The following FOXN3 variants were observed in gnomAD, a reference collection of about 807,000 sequenced individuals.
FOXN3 encodes forkhead box protein N3.
FOXN3 carries 7 observed loss-of-function variants against 38.4 expected under a neutral mutation model. The observed-to-expected ratio is 0.18, with a 90% CI of 0.10 to 0.34. The LOEUF (loss-of-function observed/expected upper bound fraction) is 0.34, where lower values mean the gene tolerates loss of function less well. Among genes scored for constraint, FOXN3 ranks in the 10% least tolerant of loss-of-function variants. The pLI, the probability that FOXN3 is intolerant of heterozygous loss-of-function variation, is 1.00. For missense variants in FOXN3, 456 were observed against 613.4 expected (o/e 0.74, Z 2.71); for synonymous variants, 230 against 242.2 (o/e 0.95, Z 0.47).
chr14:89,290,234 T>A, intron 3 of FOXN3: 1 of 323,082 alleles, frequency 3.1e-6, no homozygotes, highest in Non-Finnish European at 6.2e-6. Flanking sequence ...CCATGCTGTC[T>A]TGAACTGCTC....
At chr14:89,246,635 G>A (rs1885308516) in intron 4 of FOXN3, among the ~76,000 whole-genome samples, 2 of 140,460 alleles carry the variant, frequency 1.4e-5, no homozygotes, top group South Asian at 4.7e-4. Flanking sequence ...TGCCTCCTGG[G>A]TTCAAGCAAT....
chr14:89,614,665 G>A (rs1372225041), intron 1 of FOXN3, among the ~76,000 whole-genome samples: 1 of 152,236 alleles, frequency 6.6e-6, no homozygotes, highest in Non-Finnish European at 1.5e-5. Context: ...GTGGTACTGG[G>A]TTCCAGAGTG....
chr14:89,192,664 TTATA>T (rs1490811357), intron 4 of FOXN3, among the ~76,000 whole-genome samples: 2 of 141,988 alleles, frequency 1.4e-5, no homozygotes, highest in Non-Finnish European at 3.1e-5. Context: ...ATATATACTA[TTATA>T]TATAATAGTT....
intron 5 of FOXN3, among the ~76,000 whole-genome samples, chr14:89,165,196 C>T (rs1360621929): frequency 6.6e-6 from 1 of 152,196 alleles, no homozygotes; most frequent in Admixed American, 6.5e-5. Flanking sequence ...TAAATCCTTA[C>T]AGACAGAGCC....
intron 4 of FOXN3, among the ~76,000 whole-genome samples, chr14:89,244,875 A>G (rs1225003952): frequency 6.6e-6 from 1 of 152,206 alleles, no homozygotes; most frequent in Non-Finnish European, 1.5e-5. Flanking sequence ...CTGTGCGTTC[A>G]TTTCCTTCAA....
At chr14:89,569,285 G>A (rs1895442567) in intron 1 of FOXN3, among the ~76,000 whole-genome samples, 1 of 152,146 alleles carries the variant, frequency 6.6e-6, no homozygotes, top group Non-Finnish European at 1.5e-5. Flanking sequence ...ATGGAGGGTG[G>A]GGGTGGGTGC....
chr14:89,245,998 A>G (rs1338927369), intron 4 of FOXN3, among the ~76,000 whole-genome samples: 1 of 152,174 alleles, frequency 6.6e-6, no homozygotes, highest in Non-Finnish European at 1.5e-5. Flanking sequence ...ATAAGTCATC[A>G]TTTGGTGTGA....
At chr14:89,295,456 C>G (rs2139939332) in intron 3 of FOXN3, among the ~76,000 whole-genome samples, 1 of 152,202 alleles carries the variant, frequency 6.6e-6, no homozygotes, top group East Asian at 1.9e-4. Context: ...AGTGACTCCT[C>G]TCTTAGAACC....
At chr14:89,288,602 TAC>T (rs1302475167) in intron 3 of FOXN3, among the ~76,000 whole-genome samples, 2 of 148,502 alleles carry the variant, frequency 1.3e-5, no homozygotes, top group Non-Finnish European at 3.0e-5. Context: ...ATCCAAATAC[TAC>T]ACAGATATAG....
intron 4 of FOXN3, among the ~76,000 whole-genome samples, chr14:89,241,641 T>G (rs1357234918): frequency 6.6e-6 from 1 of 152,218 alleles, no homozygotes; most frequent in African/African-American, 2.4e-5. Context: ...TACCAATGAT[T>G]CCTTTTCTCC....
chr14:89,527,054 G>A, intron 1 of FOXN3, among the ~76,000 whole-genome samples: 1 of 151,058 alleles, frequency 6.6e-6, no homozygotes, highest in African/African-American at 2.4e-5. Context: ...GGGAGGGGAG[G>A]AGAGGAGGAG....
chr14:89,472,233 C>A (rs1258958724), intron 1 of FOXN3, among the ~76,000 whole-genome samples: 2 of 144,014 alleles, frequency 1.4e-5, no homozygotes, highest in African/African-American at 5.1e-5. Context: ...CCAGCCTGGG[C>A]GACAGAGTGA....
At chr14:89,467,286 C>G (rs1301315828) in intron 1 of FOXN3, among the ~76,000 whole-genome samples, 1 of 152,178 alleles carries the variant, frequency 6.6e-6, no homozygotes, top group Non-Finnish European at 1.5e-5. Context: ...CGCCATCCAC[C>G]ACCTGCTGTA....
At chr14:89,544,321 G>A (rs974022445) in intron 1 of FOXN3, among the ~76,000 whole-genome samples, 114 of 151,340 alleles carry the variant, frequency 7.5e-4, no homozygotes, top group African/African-American at 2.4e-3. Context: ...GATTACAGGC[G>A]TGAGCCACTG....
intron 1 of FOXN3, among the ~76,000 whole-genome samples, chr14:89,435,212 A>G (rs910263486): frequency 9.2e-5 from 14 of 152,056 alleles, no homozygotes; most frequent in African/African-American, 3.4e-4. Context: ...GCAAGACCTC[A>G]TCTCTACAGA....
At chr14:89,218,882 C>T (rs1014598614) in intron 4 of FOXN3, among the ~76,000 whole-genome samples, 5 of 152,194 alleles carry the variant, frequency 3.3e-5, no homozygotes, top group Admixed American at 2.0e-4. Flanking sequence ...TAGGAACCAA[C>T]GTAGGAAGCC....
chr14:89,328,952 G>A (rs1002029147), intron 3 of FOXN3, among the ~76,000 whole-genome samples: 1 of 152,188 alleles, frequency 6.6e-6, no homozygotes, highest in African/African-American at 2.4e-5. Flanking sequence ...AGGAAAAGAG[G>A]ACAAGTAGTA....
At chr14:89,511,437 C>A (rs866149218) in intron 1 of FOXN3, among the ~76,000 whole-genome samples, 1 of 151,402 alleles carries the variant, frequency 6.6e-6, no homozygotes, top group African/African-American at 2.4e-5. Flanking sequence ...GGACTACAGG[C>A]GTGCACTACT....
intron 1 of FOXN3, among the ~76,000 whole-genome samples, chr14:89,466,646 A>T (rs1265859798): frequency 6.6e-6 from 1 of 152,172 alleles, no homozygotes; most frequent in African/African-American, 2.4e-5. Context: ...GCTGCAAGGG[A>T]GGTGTGAACA....
Sources: allele counts gnomAD v4.1 joint callset (sites outside exome capture counted in the v4.1 genomes callset), GRCh38; gene constraint gnomAD v4.1.1; transcripts MANE v1.5; gene names NCBI Gene and HGNC (gene_info 2026-07-23, HGNC 2026-07-21).